CPNE4: variants seen among roughly 807,000 people sequenced by gnomAD.
CPNE4 encodes copine 4.
CPNE4 carries 25 observed loss-of-function variants against 67.9 expected under a neutral mutation model. The ratio of observed to expected loss-of-function variants is 0.37; its 90% CI spans 0.27 to 0.51. CPNE4 has a LOEUF of 0.51. Among genes scored for constraint, CPNE4 ranks in the 20% least tolerant of loss-of-function variants. The pLI is 0.93. For missense variants in CPNE4, 464 were observed against 690.8 expected, an observed-to-expected ratio of 0.67 and a Z score of 3.68; for synonymous variants, 242 against 244.9, an observed-to-expected ratio of 0.99 and a Z score of 0.11.
chr3:131,801,334 T>TCC, intron 2 of CPNE4, among the ~76,000 whole-genome samples: 1 of 120,432 alleles, frequency 8.3e-6, no homozygotes, highest in Non-Finnish European at 1.6e-5. Flanking sequence ...CTGGAAACCA[T>TCC]ACATATATAT....
chr3:131,861,013 T>C (rs1387616336), intron 2 of CPNE4, among the ~76,000 whole-genome samples: 1 of 152,228 alleles, frequency 6.6e-6, no homozygotes, highest in Non-Finnish European at 1.5e-5. Context: ...CCACTTCATA[T>C]AAAAGTGAGT....
intron 7 of CPNE4, among the ~76,000 whole-genome samples, chr3:131,596,561 G>T (rs1938873850): frequency 8.5e-6 from 1 of 117,610 alleles, no homozygotes; most frequent in Non-Finnish European, 1.6e-5. Context: ...GGCGGAGCTT[G>T]CAGTGAGCCG....
intron 1 of CPNE4, among the ~76,000 whole-genome samples, chr3:131,962,286 TG>T (rs201613977): frequency 6.6e-6 from 1 of 152,250 alleles, no homozygotes; most frequent in East Asian, 1.9e-4. Context: ...GATGAAGAGA[TG>T]TCTTTTCTTT....
intron 2 of CPNE4, among the ~76,000 whole-genome samples, chr3:131,782,927 T>G (rs187762965): frequency 2.4e-4 from 36 of 152,154 alleles, no homozygotes; most frequent in Non-Finnish European, 5.9e-5. Context: ...AGCAAGAACC[T>G]TGTGGCCAAC....
chr3:132,008,826 G>A (rs984255208), intron 1 of CPNE4, among the ~76,000 whole-genome samples: 2 of 151,956 alleles, frequency 1.3e-5, no homozygotes, highest in Admixed American at 1.3e-4. Flanking sequence ...ACTCAAGAAG[G>A]AGATGTCTCA....
rs947006344 is a variant in CPNE4 at position 132,034,974 on chromosome 3, G to A, written c.-409C>T. The A allele has an allele frequency of 3.0e-6, 3 of 985,498 alleles. No homozygotes were observed. The highest frequency in any genetic ancestry group is 6.1e-5 in the Admixed American group (1 of 16,272). The allele number at this position is 985,498 out of a possible 1,614,324, so 61.0% of individuals were successfully genotyped here. ...AGAGAAGGGGACGAGCGGGTGGCGG[G>A]GAGATGGCAGCTTCTCACAGAGAGA... On this transcript the variant is annotated 5_prime_UTR_variant, in exon 1 of 16. Coordinates refer to ENST00000429747, the MANE Select transcript of CPNE4 (RefSeq NM_130808.3).
chr3:131,583,226 GT>G (rs1937960441), intron 8 of CPNE4, among the ~76,000 whole-genome samples: 1 of 152,128 alleles, frequency 6.6e-6, no homozygotes, highest in Non-Finnish European at 1.5e-5. Context: ...CATAATGAAT[GT>G]TGTCTTTCTT....
At chr3:131,572,813 T>TTC (rs1367632342) in intron 10 of CPNE4, among the ~76,000 whole-genome samples, 1 of 152,010 alleles carries the variant, frequency 6.6e-6, no homozygotes, top group Non-Finnish European at 1.5e-5. Flanking sequence ...AACATCCCTT[T>TTC]TCTCTCTCTC....
chr3:131,800,024 T>C (rs2084047467), intron 2 of CPNE4, among the ~76,000 whole-genome samples: 1 of 151,980 alleles, frequency 6.6e-6, no homozygotes, highest in South Asian at 2.1e-4. Context: ...AGAGGGTACA[T>C]ATGCAGGTTT....
chr3:131,988,436 C>T (rs1158774180), intron 1 of CPNE4, among the ~76,000 whole-genome samples: 1 of 152,142 alleles, frequency 6.6e-6, no homozygotes, highest in African/African-American at 2.4e-5. Context: ...TGTGGTGAGC[C>T]AGTTGGAGAG....
chr3:131,675,419 C>G (rs2080530401), intron 6 of CPNE4, among the ~76,000 whole-genome samples: 1 of 152,030 alleles, frequency 6.6e-6, no homozygotes, highest in East Asian at 1.9e-4. Context: ...GTTGAAGTCT[C>G]CAGCTATTAT....
chr3:131,891,839 T>C (rs779461757), intron 2 of CPNE4, among the ~76,000 whole-genome samples: 21 of 152,250 alleles, frequency 1.4e-4, no homozygotes, highest in South Asian at 4.2e-4. Flanking sequence ...GGCATTTGAT[T>C]ACATGGCTTA....
chr3:131,745,236 A>G (rs1244026171), intron 2 of CPNE4, among the ~76,000 whole-genome samples: 1 of 152,192 alleles, frequency 6.6e-6, no homozygotes, highest in South Asian at 2.1e-4. Context: ...GTCCTCTTTG[A>G]TGAAACGTCT....
At chr3:131,754,172 G>T (rs1164041789) in intron 2 of CPNE4, among the ~76,000 whole-genome samples, 2 of 152,022 alleles carry the variant, frequency 1.3e-5, no homozygotes, top group Non-Finnish European at 2.9e-5. Flanking sequence ...AAAAAGCAAG[G>T]TATAAGAAAT....
chr3:131,756,282 G>A (rs901043527), intron 2 of CPNE4, among the ~76,000 whole-genome samples: 4 of 152,162 alleles, frequency 2.6e-5, no homozygotes, highest in Non-Finnish European at 5.9e-5. Flanking sequence ...GCTGAGAAAA[G>A]ACTAGGTCTT....
chr3:131,999,754 T>A (rs891206874), intron 1 of CPNE4, among the ~76,000 whole-genome samples: 1 of 152,008 alleles, frequency 6.6e-6, no homozygotes, highest in Non-Finnish European at 1.5e-5. Context: ...TCCTTTAAAC[T>A]TTTCACATTC....
At chr3:132,027,842 T>C (rs1478455822) in intron 1 of CPNE4, among the ~76,000 whole-genome samples, 1 of 152,194 alleles carries the variant, frequency 6.6e-6, no homozygotes. Flanking sequence ...AATGATAAAG[T>C]ATTGTTTTGG....
At chr3:131,859,050 T>C (rs1385154802) in intron 2 of CPNE4, among the ~76,000 whole-genome samples, 2 of 152,128 alleles carry the variant, frequency 1.3e-5, no homozygotes, top group Admixed American at 6.6e-5. Flanking sequence ...ATGATATTAT[T>C]AGAGTTCAAA....
rs1033251892 is a variant in CPNE4 at position 132,034,719 on chromosome 3, G to C, written c.-154C>G. On this transcript the variant is annotated 5_prime_UTR_variant, in exon 1 of 16. Coordinates refer to ENST00000429747, the MANE Select transcript of CPNE4 (RefSeq NM_130808.3). ...GGGCGTCGCACCTCCTTCCCCTCTCGTCCTCCGAGGTCAGTTTAGCAACAG... is the reference window on the plus strand; with the variant it reads ...GGGCGTCGCACCTCCTTCCCCTCTCCTCCTCCGAGGTCAGTTTAGCAACAG... 22 of 985,182 alleles carry C rather than the reference G, an allele frequency of 2.2e-5. No homozygotes were observed. In the African/African-American group the frequency reaches 3.3e-4, roughly 15 times the overall value. The allele number at this position is 985,182 out of a possible 1,614,324, so 61.0% of individuals were successfully genotyped here.
Sources: allele counts gnomAD v4.1 joint callset (sites outside exome capture counted in the v4.1 genomes callset), GRCh38; gene constraint gnomAD v4.1.1; transcripts MANE v1.5; gene names NCBI Gene and HGNC (gene_info 2026-07-23, HGNC 2026-07-21).